NTM: variants seen among roughly 807,000 people sequenced by gnomAD.
The protein encoded by NTM is neurotrimin.
In NTM, 13 loss-of-function variants were observed where a neutral mutation model predicts 42.1. The ratio of observed to expected loss-of-function variants is 0.31; its 90% confidence interval spans 0.20 to 0.49. NTM has a LOEUF of 0.49. Ranked by LOEUF, NTM falls within the 20% of genes least tolerant of loss-of-function variation. The pLI is 0.99. For synonymous variants in NTM, 187 were observed against 179.2 expected (o/e 1.04, Z -0.35); for missense variants, 373 against 452.8 (o/e 0.82, Z 1.60).
intron 2 of NTM, among the ~76,000 whole-genome samples, chr11:131,912,075 G>A (rs1434276628): frequency 6.6e-6 from 1 of 152,294 alleles, no homozygotes; most frequent in Middle Eastern, 3.4e-3. Context: ...GCCCCCACTC[G>A]CCCATGCCAT....
intron 1 of NTM, among the ~76,000 whole-genome samples, chr11:131,437,786 T>A (rs1949275956): frequency 6.6e-6 from 1 of 152,216 alleles, no homozygotes; most frequent in South Asian, 2.1e-4. Flanking sequence ...CCCATTTACA[T>A]TTAAGGTTAA....
chr11:131,980,861 C>T (rs1379918688), intron 2 of NTM, among the ~76,000 whole-genome samples: 1 of 152,174 alleles, frequency 6.6e-6, no homozygotes, highest in Non-Finnish European at 1.5e-5. Flanking sequence ...TGAGAGTTAA[C>T]TTTGTGAGTA....
intron 1 of NTM, among the ~76,000 whole-genome samples, chr11:131,806,484 G>A (rs2092488046): frequency 6.6e-6 from 1 of 152,104 alleles, no homozygotes; most frequent in African/African-American, 2.4e-5. Context: ...GAGAAAAAGT[G>A]CTCAACAACT....
intron 1 of NTM, among the ~76,000 whole-genome samples, chr11:131,530,000 C>T (rs1431415440): frequency 3.3e-5 from 5 of 152,162 alleles, no homozygotes; most frequent in Admixed American, 6.5e-5. Flanking sequence ...AAGAGGCAGA[C>T]TGGGTATTCG....
chr11:131,533,093 G>T (rs1428874721), intron 1 of NTM, among the ~76,000 whole-genome samples: 1 of 152,050 alleles, frequency 6.6e-6, no homozygotes, highest in Non-Finnish European at 1.5e-5. Flanking sequence ...TTTTATTGTT[G>T]TTGTTCTTGT....
At chr11:131,578,311 T>A (rs1289368901) in intron 1 of NTM, among the ~76,000 whole-genome samples, 1 of 152,218 alleles carries the variant, frequency 6.6e-6, no homozygotes, top group Non-Finnish European at 1.5e-5. Flanking sequence ...TAGGTTTATG[T>A]CATATCTGAT....
chr11:131,842,117 A>G (rs2044335637), intron 1 of NTM, among the ~76,000 whole-genome samples: 2 of 152,190 alleles, frequency 1.3e-5, no homozygotes, highest in Admixed American at 6.5e-5. Context: ...CAGAGGTTAG[A>G]GGAGCTCCTT....
At chr11:132,082,978 A>T (rs1350684578) in intron 2 of NTM, among the ~76,000 whole-genome samples, 2 of 152,160 alleles carry the variant, frequency 1.3e-5, no homozygotes, top group Non-Finnish European at 2.9e-5. Context: ...ATTTGGGTGC[A>T]TGGCCCTTGG....
rs142922838 is a variant in NTM at position 131,701,042 on chromosome 11, T to A, written c.83-210522T>A. 2.0e-5 allele frequency among the ~76,000 whole-genome samples: 3 copies of A among 152,356 alleles called. No individual in the cohort carries two copies. The East Asian group carries it at 5.8e-4, about 29-fold the overall frequency. On this transcript the variant is annotated intron_variant, in intron 1 of 8. Transcript: ENST00000683400. ...AACAAGTTAAAGCATGTAATATGTT[T>A]AGGACAGTGCTCGGGAAAAAGTAAT...
In NTM at chr11:131,484,774, G is replaced by A. The variant is rs139628300; in HGVS notation, c.82+113886G>A. ...CTCTTCCTTCATTCACTCCTCATTC[G>A]TGCTGTGAATACCTCCTAAGCATCT... is the stretch of plus-strand genomic sequence containing the variant. On this transcript the variant is annotated intron_variant, in intron 1 of 8. Transcript: ENST00000683400. Among the ~76,000 whole-genome samples the A allele has an allele frequency of 2.7e-3, 408 of 152,108 alleles. 1 individual carries two copies. Among genetic ancestry groups the A allele is most frequent in the African/African-American group, 9.1e-3 (377 of 41,498 alleles).
chr11:131,940,837 A>G (rs1025503700), intron 2 of NTM, among the ~76,000 whole-genome samples: 2 of 152,210 alleles, frequency 1.3e-5, no homozygotes, highest in Non-Finnish European at 2.9e-5. Context: ...GAATTTTGAT[A>G]ATTATCGCAA....
At chr11:132,116,069 G>A (rs903648832) in intron 2 of NTM, among the ~76,000 whole-genome samples, 1 of 152,170 alleles carries the variant, frequency 6.6e-6, no homozygotes, top group Admixed American at 6.5e-5. Flanking sequence ...CCAGTTCCCT[G>A]GATTAGGCAC....
At chr11:132,300,867 A>G (rs1001071097) in intron 4 of NTM, among the ~76,000 whole-genome samples, 1 of 152,100 alleles carries the variant, frequency 6.6e-6, no homozygotes, top group African/African-American at 2.4e-5. Context: ...AGTCTCTCAC[A>G]TGGCCTCTGC....
chr11:131,939,553 A>C (rs1240002353), intron 2 of NTM, among the ~76,000 whole-genome samples: 1 of 152,128 alleles, frequency 6.6e-6, no homozygotes, highest in Non-Finnish European at 1.5e-5. Flanking sequence ...TCATCTGTGC[A>C]GATGGAGGGA....
At chr11:131,482,805 A>G (rs1953749260) in intron 1 of NTM, among the ~76,000 whole-genome samples, 1 of 152,208 alleles carries the variant, frequency 6.6e-6, no homozygotes, top group South Asian at 2.1e-4. Context: ...GTACAGATGC[A>G]TGGGAGAGAA....
At chr11:131,460,037 G>C (rs1262809602) in intron 1 of NTM, among the ~76,000 whole-genome samples, 1 of 152,206 alleles carries the variant, frequency 6.6e-6, no homozygotes, top group African/African-American at 2.4e-5. Flanking sequence ...TTGCCAGAAA[G>C]TATGATGTGT....
At position 132,335,189 on chromosome 11, in the gene NTM, C is replaced by A. The variant is rs377468912; in HGVS notation, c.*43C>A. ...CACCCGGGAAAGGCTGCCGCCACCA[C>A]CACCACCAACACAACAGCAATGGCA... On this transcript the variant is annotated 3_prime_UTR_variant, in exon 9 of 9. Transcript: ENST00000683400. 5 of 1,606,148 alleles carry A rather than the reference C, an allele frequency of 3.1e-6. No individual in the cohort carries two copies. The highest frequency in any genetic ancestry group is 4.2e-6 in the Non-Finnish European group (5 of 1,177,538).
intron 7 of NTM, among the ~76,000 whole-genome samples, chr11:132,323,824 A>G (rs1268801543): frequency 1.3e-5 from 2 of 151,698 alleles, no homozygotes; most frequent in Admixed American, 6.6e-5. Context: ...AAGCTTATCC[A>G]CCATGATCAA....
At chr11:132,235,563 C>T (rs2088644364) in intron 4 of NTM, among the ~76,000 whole-genome samples, 1 of 152,164 alleles carries the variant, frequency 6.6e-6, no homozygotes, top group Non-Finnish European at 1.5e-5. Context: ...TTTTCTTCCT[C>T]TCCCTATGTA....
Sources: gnomAD v4.1 joint callset for allele counts (sites outside exome capture counted in the v4.1 genomes callset) on GRCh38, gnomAD v4.1.1 for gene constraint, MANE v1.5 for transcripts, NCBI Gene and HGNC (gene_info 2026-07-23, HGNC 2026-07-21) for gene names.